Variants in MDM4 observed in about 807,000 individuals in gnomAD.
MDM4 encodes MDM4 regulator of p53, also known as protein Mdm4.
Under a neutral mutation model 60.2 loss-of-function variants are expected in MDM4, and 2 were observed. That is an observed-to-expected ratio of 0.03 (90% confidence interval 0.01 to 0.10). The LOEUF (loss-of-function observed/expected upper bound fraction) is 0.10. MDM4 is among the 10% of genes least tolerant of loss of function. The pLI is 1.00. For synonymous variants in MDM4, 202 were observed against 198.1 expected (o/e 1.02, Z -0.17); for missense variants, 447 against 577.5 (o/e 0.77, Z 2.32).
intron 10 of MDM4, 77 bp downstream of exon 10, chr1:204,546,954 G>A: frequency 1.1e-6 from 1 of 882,322 alleles, no homozygotes; most frequent in Non-Finnish European, 1.8e-6. Context: ...CACTTGTGTT[G>A]AAGAGTGCTG....
rs140827023 is a variant in MDM4, at chr1:204,519,503, G to A, written c.-36+2994G>A. On this transcript the variant is annotated intron_variant, in intron 1 of 10. Coordinates refer to ENST00000367182, the MANE Select transcript of MDM4 (RefSeq NM_002393.5). ...ACCTGGGCAACAAGAGCGAAACTCC[G>A]TCTCAAAAAATATATGTATATGAAA... Among the ~76,000 whole-genome samples the A allele has an allele frequency of 4.3e-4, 66 of 152,118 alleles. 1 individual carries two copies. The East Asian group carries it at 7.1e-3, about 16-fold the overall frequency.
chr1:204,525,243 C>CT (rs1660006897), intron 1 of MDM4: 7 of 749,218 alleles, frequency 9.3e-6, no homozygotes, highest in Non-Finnish European at 1.1e-5. Flanking sequence ...GTGCCTGAAA[C>CT]TGTTACTGTT....
chr1:204,532,945 C>A lies in MDM4; in HGVS notation c.343+699C>A, dbSNP rs574708213. The A allele has an allele frequency of 3.7e-4, 386 of 1,031,038 alleles. 2 individuals are homozygous for A. In the South Asian group the frequency reaches 6.2e-3, roughly 16 times the overall value. The allele number at this position is 1,031,038 out of a possible 1,614,324, so 63.9% of individuals were successfully genotyped here. A position where few individuals can be genotyped will look rare whatever the true frequency, so the allele number is the denominator to read the frequency against. On this transcript the variant is annotated intron_variant, in intron 5 of 10. Coordinates refer to ENST00000367182, the MANE Select transcript of MDM4 (RefSeq NM_002393.5). The stretch of plus-strand genomic sequence containing the variant: ...GCTTTATAGGTAATGCTTTGTACTT[C>A]TGTTTAATCACATCAGAGTCATGTA...
chr1:204,549,783 T>G lies in MDM4; in HGVS notation c.*101T>G. The G allele has an allele frequency of 1.3e-6, 1 of 779,954 alleles. No homozygotes were observed. Among genetic ancestry groups the G allele is most frequent in the South Asian group, 2.3e-5 (1 of 44,238 alleles). The allele number at this position is 779,954 out of a possible 1,614,324, so 48.3% of individuals were successfully genotyped here. A position where few individuals can be genotyped will look rare whatever the true frequency, so the allele number is the denominator to read the frequency against. On this transcript the variant is annotated 3_prime_UTR_variant, in exon 11 of 11. Coordinates refer to ENST00000367182, the MANE Select transcript of MDM4 (RefSeq NM_002393.5). ...TTATTTCCAACCTGTCAGAGAATGT[T>G]CTTAGGCATCAAAATCCAAGGTAGC...
intron 6 of MDM4, chr1:204,537,881 T>TA (rs1358842988): frequency 1.5e-6 from 1 of 673,564 alleles, no homozygotes; most frequent in Non-Finnish European, 2.8e-6. Context: ...GTCATCTTGG[T>TA]ACGTGGCGAG....
At chr1:204,529,201 G>A in intron 3 of MDM4, 1 of 759,810 alleles carries the variant, frequency 1.3e-6, no homozygotes, top group South Asian at 1.6e-5. Flanking sequence ...GCCTGATTAG[G>A]TCTTGTCAAA....
intron 9 of MDM4, among the ~76,000 whole-genome samples, chr1:204,545,840 TAGAG>T (rs1417237872): frequency 3.3e-5 from 5 of 152,102 alleles, no homozygotes; most frequent in African/African-American, 4.8e-5. Context: ...GAAACGTCTA[TAGAG>T]AGAGATGGGA....
intron 7 of MDM4, among the ~76,000 whole-genome samples, chr1:204,541,292 C>T (rs1297624058): frequency 6.6e-6 from 1 of 152,070 alleles, no homozygotes; most frequent in African/African-American, 2.4e-5. Flanking sequence ...GACCTCGTCT[C>T]TACAAAAAAT....
intron 8 of MDM4, among the ~76,000 whole-genome samples, chr1:204,543,527 C>A (rs895643513): frequency 1.3e-5 from 2 of 152,170 alleles, no homozygotes; most frequent in Non-Finnish European, 2.9e-5. Flanking sequence ...TAAGTTTGTT[C>A]TTTACTCTTT....
At chr1:204,541,400 G>A (rs4252713) in intron 7 of MDM4, among the ~76,000 whole-genome samples, 57,973 of 151,990 alleles carry the variant, frequency 0.38, 13,157 homozygotes, top group Non-Finnish European at 0.49. Context: ...CCAAGAGGTG[G>A]AGATTGCAGT....
At chr1:204,529,397 A>C in intron 3 of MDM4, 2 of 1,139,658 alleles carry the variant, frequency 1.8e-6, no homozygotes, top group Non-Finnish European at 2.7e-6. Flanking sequence ...GCTGCTGGGC[A>C]CCGTAGGAAT....
rs115828402 is a variant in MDM4 at position 204,525,540 on chromosome 1, G to C, written c.22G>C (p.Ala8Pro). ...CAAAATGACATCATTTTCCACCTCT[G>C]CTCAGTGTTCAACATCTGACAGTGC... MTSFSTS[A>P]QCSTSDSACR... Residue 8 changes from alanine (A) to proline (P), a missense_variant, in exon 2 of 11, where the codon GCT (alanine) becomes CCT (proline). Physicochemically the swap from Ala to Pro is conservative, Grantham distance 27. Around this residue, in one of 8 missense-constraint regions of MDM4, gnomAD observed 33 missense variants for 28.8 expected, o/e 1.15. Coordinates refer to ENST00000367182, the MANE Select transcript of MDM4 (RefSeq NM_002393.5). The C allele has an allele frequency of 6.2e-7, 1 of 1,611,512 alleles. No individual in the cohort carries two copies.
In MDM4 at chr1:204,532,918, A is replaced by C. The variant is rs1572482730; in HGVS notation, c.343+672A>C. The C allele has an allele frequency of 7.9e-6, 11 of 1,394,976 alleles. No individual in the cohort carries two copies. In the East Asian group the frequency reaches 2.5e-4, roughly 32 times the overall value. The allele number at this position is 1,394,976 out of a possible 1,614,324, so 86.4% of individuals were successfully genotyped here. ...TTCAAGTTTAAATTTTTTGCCAAGAAAGCTTTATAGGTAATGCTTTGTACT... is the reference window on the plus strand; with the variant it reads ...TTCAAGTTTAAATTTTTTGCCAAGACAGCTTTATAGGTAATGCTTTGTACT... On this transcript the variant is annotated intron_variant, in intron 5 of 10. Transcript: ENST00000367182.
intron 1 of MDM4, among the ~76,000 whole-genome samples, chr1:204,519,863 A>G (rs1213813488): frequency 1.3e-5 from 2 of 152,098 alleles, no homozygotes; most frequent in Admixed American, 6.6e-5. Flanking sequence ...ATGTTATGGA[A>G]TCACAGATGG....
chr1:204,545,332 C>CT (rs753860081), intron 9 of MDM4, among the ~76,000 whole-genome samples: 2 of 152,110 alleles, frequency 1.3e-5, no homozygotes, highest in Admixed American at 6.5e-5. Flanking sequence ...AGATTGAACT[C>CT]TGAGTACATA....
At chr1:204,547,643 C>G (rs1184564346) in intron 10 of MDM4, among the ~76,000 whole-genome samples, 1 of 152,174 alleles carries the variant, frequency 6.6e-6, no homozygotes, top group African/African-American at 2.4e-5. Flanking sequence ...TGCCAATGAT[C>G]TGTGTGTAGC....
At chr1:204,526,665 G>A (rs182313356) in intron 3 of MDM4, among the ~76,000 whole-genome samples, 3 of 152,100 alleles carry the variant, frequency 2.0e-5, no homozygotes, top group Admixed American at 6.5e-5. Context: ...GGGTTTCACC[G>A]TGTTAGCCAG....
At chr1:204,518,060 G>A (rs1310475182) in intron 1 of MDM4, among the ~76,000 whole-genome samples, 1 of 152,156 alleles carries the variant, frequency 6.6e-6, no homozygotes, top group Non-Finnish European at 1.5e-5. Flanking sequence ...AGAGACTGAG[G>A]TGGGAGGATT....
intron 3 of MDM4, among the ~76,000 whole-genome samples, chr1:204,527,988 T>C (rs1462925624): frequency 1.3e-5 from 2 of 152,104 alleles, no homozygotes; most frequent in Non-Finnish European, 2.9e-5. Context: ...TATATTACTT[T>C]TACGATTTTA....
Sources: gnomAD v4.1 joint callset for allele counts (sites outside exome capture counted in the v4.1 genomes callset) on GRCh38, gnomAD v4.1.1 for gene constraint, gnomAD v4.1.1 regional missense constraint, MANE v1.5 for transcripts, NCBI Gene and HGNC (gene_info 2026-07-23, HGNC 2026-07-21) for gene names.